Variants in RAB1B observed in about 807,000 individuals in gnomAD.
The protein encoded by RAB1B is ras-related protein Rab-1B.
Under a neutral mutation model 24.8 loss-of-function variants are expected in RAB1B, and 10 were observed. The ratio of observed to expected loss-of-function variants is 0.40; its 90% CI spans 0.25 to 0.68. The LOEUF (loss-of-function observed/expected upper bound fraction) is 0.68. RAB1B is among the 30% of genes least tolerant of loss of function. The probability of loss-of-function intolerance (pLI) is 0.37; values close to 1 mark genes in which losing one functional copy is unlikely to be tolerated. For missense variants in RAB1B, 154 were observed against 271.2 expected (o/e 0.57, Z 3.04); for synonymous variants, 99 against 111.7 (o/e 0.89, Z 0.72).
At chr11:66,269,051 A>G (rs1159029477) in intron 1 of RAB1B, among the ~76,000 whole-genome samples, 1 of 151,800 alleles carries the variant, frequency 6.6e-6, no homozygotes, top group Non-Finnish European at 1.5e-5. Flanking sequence ...GGAGTTTTGG[A>G]GCCCGTCTTG....
rs558948213 is a variant in RAB1B at position 66,276,365 on chromosome 11, C to T, written c.*127C>T. On this transcript the variant is annotated 3_prime_UTR_variant, in exon 6 of 6. Transcript: ENST00000311481. Reference sequence around the variant, plus strand: ...CTGTGGCTTTGGGGTGTCCTGGGCTCCCCATCTCCTTCTGGCCCATCTGCC... The same window carrying T: ...CTGTGGCTTTGGGGTGTCCTGGGCTTCCCATCTCCTTCTGGCCCATCTGCC... 4.0e-5 allele frequency: 36 copies of T among 908,090 alleles called. No individual in the cohort carries two copies. In the Admixed American group the frequency reaches 7.7e-4, roughly 19 times the overall value. 56.3% of individuals were successfully genotyped at this position (908,090 alleles called of 1,614,324 possible).
At chr11:66,273,523 G>C (rs1857094562) in intron 4 of RAB1B, among the ~76,000 whole-genome samples, 1 of 152,196 alleles carries the variant, frequency 6.6e-6, no homozygotes, top group South Asian at 2.1e-4. Flanking sequence ...GTGTCTATTT[G>C]CTGGTCTGTC....
chr11:66,271,892 C>T, intron 2 of RAB1B, 23 bp downstream of exon 2: 1 of 1,597,374 alleles, frequency 6.3e-7, no homozygotes, highest in Non-Finnish European at 8.6e-7. Context: ...CCTCCCATAC[C>T]ATCCACCTGG....
At chr11:66,274,811 A>G (rs1330684118) in intron 4 of RAB1B, among the ~76,000 whole-genome samples, 1 of 127,068 alleles carries the variant, frequency 7.9e-6, no homozygotes, top group African/African-American at 3.0e-5. Context: ...GCATCCCAGC[A>G]ACATTCCATT....
Position 66,272,165 on chromosome 11 carries a change from G to T in RAB1B, c.96G>T (p.Thr32=). ...SCLLLRFADD[T]YTESYISTIG... is the part of the protein sequence containing the mutation. ...GGCCCCTGAACTTTCAGGATGACAC[G>T]TACACAGAGAGCTACATCAGCACCA... Residue 32 remains threonine (T), a synonymous_variant, in exon 3 of 6, where the codon ACG becomes ACT. Transcript: ENST00000311481. The T allele has an allele frequency of 6.2e-7, 1 of 1,611,844 alleles. No individual in the cohort carries two copies. The highest frequency in any genetic ancestry group is 8.5e-7 in the Non-Finnish European group (1 of 1,178,152).
Position 66,276,993 on chromosome 11 carries a change from A to T in RAB1B, c.*755A>T, listed in dbSNP as rs1857161536. ...CATGTCAGGCGGAGGCGGAAGGCCC[A>T]CCGTGCCAGAGGCTGGGCACCAGCC... On this transcript the variant is annotated 3_prime_UTR_variant, in exon 6 of 6. Transcript: ENST00000311481. 1 of 152,764 alleles carries T rather than the reference A, an allele frequency of 6.5e-6. No individual in the cohort carries two copies. The highest frequency in any genetic ancestry group is 1.5e-5 in the Non-Finnish European group (1 of 68,216). The allele number at this position is 152,764 out of a possible 1,614,324, so 9.5% of individuals were successfully genotyped here. A position where few individuals can be genotyped will look rare whatever the true frequency, so the allele number is the denominator to read the frequency against.
intron 4 of RAB1B, among the ~76,000 whole-genome samples, chr11:66,272,915 C>T (rs1037717174): frequency 6.6e-6 from 1 of 152,204 alleles, no homozygotes; most frequent in Non-Finnish European, 1.5e-5. Context: ...GAGCAGAGAT[C>T]CAGAAGCTCT....
At chr11:66,276,014 CCCCTCCT>C in intron 5 of RAB1B, 23 bp from the exon 6 acceptor site, 3 of 1,608,682 alleles carry the variant, frequency 1.9e-6, no homozygotes, top group Non-Finnish European at 2.5e-6. Context: ...CCTCTTCTCT[CCCCTCCT>C]CTTCTCTCCT....
In RAB1B at chr11:66,271,885, C is replaced by A; in HGVS notation, c.87+16C>A. The A allele has an allele frequency of 1.9e-6, 3 of 1,605,750 alleles. No homozygotes were observed. The highest frequency in any genetic ancestry group is 2.6e-6 in the Non-Finnish European group (3 of 1,172,444). ...GCGGTTTGCTGTGAGTAAGAAGCCT[C>A]CCATACCATCCACCTGGGGTCCTGA... On this transcript the variant is annotated intron_variant, in intron 2 of 5. Coordinates refer to ENST00000311481, the MANE Select transcript of RAB1B (RefSeq NM_030981.3).
rs997118877 is a variant in RAB1B, at chr11:66,276,004, C to A, written c.412-40C>A. 7 of 1,589,392 alleles carry A rather than the reference C, an allele frequency of 4.4e-6. No individual in the cohort carries two copies. In the African/African-American group the frequency reaches 6.7e-5, roughly 15 times the overall value. On this transcript the variant is annotated intron_variant, in intron 5 of 5. Coordinates refer to ENST00000311481, the MANE Select transcript of RAB1B (RefSeq NM_030981.3). The stretch of plus-strand genomic sequence containing the variant: ...TGCTGCCCCTCACCTGCTCTCCCCT[C>A]CTCTTCTCTCCCCTCCTCTTCTCTC...
rs547257228 is a variant in RAB1B, at chr11:66,275,611, G to C, written c.280-193G>C. Reference sequence around the variant, plus strand: ...GCTGGCAGGCTGCTGGGGCTGTTCTGGGTCTCGGATGGAAGAGGGCAGGGA... The same window carrying C: ...GCTGGCAGGCTGCTGGGGCTGTTCTCGGTCTCGGATGGAAGAGGGCAGGGA... On this transcript the variant is annotated intron_variant, in intron 4 of 5. Coordinates refer to ENST00000311481, the MANE Select transcript of RAB1B (RefSeq NM_030981.3). 2.6e-3 allele frequency among the ~76,000 whole-genome samples: 390 copies of C among 152,290 alleles called. 1 individual carries two copies. The highest frequency in any genetic ancestry group is 4.0e-3 in the Non-Finnish European group (270 of 68,020).
chr11:66,272,571 T>C, intron 4 of RAB1B, 111 bp downstream of exon 4: 2 of 732,198 alleles, frequency 2.7e-6, no homozygotes, highest in Admixed American at 3.0e-5. Context: ...AAGGACACTA[T>C]TTGTCTGCTT....
At chr11:66,271,304 A>G (rs61891385) in intron 1 of RAB1B, 3 of 154,316 alleles carry the variant, frequency 1.9e-5, no homozygotes, top group Admixed American at 1.3e-4. Flanking sequence ...CCTGGCCAAC[A>G]TGGTGAAACC....
rs1459029692 is a variant in RAB1B, at chr11:66,276,548, G to A, written c.*310G>A. On this transcript the variant is annotated 3_prime_UTR_variant, in exon 6 of 6. Transcript: ENST00000311481. ...TTGGAACGAGGGCTCTTCTGTCGGT[G>A]TCCCTCCCACCCCCATGTATGCTGC... 2.9e-5 allele frequency: 10 copies of A among 348,340 alleles called. No homozygotes were observed. Among genetic ancestry groups the A allele is most frequent in the Middle Eastern group, 1.5e-3 (2 of 1,326 alleles). The allele number at this position is 348,340 out of a possible 1,614,324, so 21.6% of individuals were successfully genotyped here.
intron 4 of RAB1B, among the ~76,000 whole-genome samples, chr11:66,274,123 C>T (rs981488449): frequency 6.6e-6 from 1 of 152,174 alleles, no homozygotes; most frequent in African/African-American, 2.4e-5. Flanking sequence ...TATAGACACA[C>T]ACCACCATGC....
intron 4 of RAB1B, among the ~76,000 whole-genome samples, chr11:66,273,167 C>T (rs1000529268): frequency 6.6e-6 from 1 of 152,202 alleles, no homozygotes; most frequent in Non-Finnish European, 1.5e-5. Context: ...TGGCTCATTC[C>T]ACCTGCTTTG....
Position 66,271,669 on chromosome 11 carries a change from G to GC in RAB1B, c.15-127dup, listed in dbSNP as rs1857060054. On this transcript the variant is annotated intron_variant, in intron 1 of 5. Transcript: ENST00000311481. ...CTGGGTGACAGAGTGAGACCTTATT[G>GC]CTAAAAAAAAAATAAAAATAAACCA... 4.6e-6 allele frequency: 3 copies of GC among 652,646 alleles called. No homozygotes were observed. The East Asian group carries it at 8.4e-5, about 18-fold the overall frequency. 40.4% of individuals were successfully genotyped at this position (652,646 alleles called of 1,614,324 possible).
intron 1 of RAB1B, chr11:66,269,917 C>T (rs1857026633): frequency 1.3e-5 from 2 of 151,976 alleles, no homozygotes; most frequent in African/African-American, 4.8e-5. Flanking sequence ...CTCTGTCACC[C>T]AGGCTGGAGT....
intron 1 of RAB1B, 86 bp downstream of exon 1, chr11:66,268,779 C>A: frequency 1.5e-6 from 2 of 1,327,200 alleles, no homozygotes; most frequent in South Asian, 1.7e-5. Flanking sequence ...TGGCCCGGGT[C>A]AGGACTGTGC....
Sources: gnomAD v4.1 joint callset for allele counts (sites outside exome capture counted in the v4.1 genomes callset) on GRCh38, gnomAD v4.1.1 for gene constraint, MANE v1.5 for transcripts, NCBI Gene and HGNC (gene_info 2026-07-23, HGNC 2026-07-21) for gene names.